NKAIN2: variants seen among roughly 807,000 people sequenced by gnomAD.
NKAIN2 encodes the protein sodium/potassium transporting ATPase interacting 2, also known as sodium/potassium-transporting ATPase subunit beta-1-interacting protein 2.
In NKAIN2, 14 loss-of-function variants were observed where a neutral mutation model predicts 32.6. That is an observed-to-expected ratio of 0.43 (90% CI 0.28 to 0.67). The LOEUF is 0.67. Ranked by LOEUF, NKAIN2 falls within the 30% of genes least tolerant of loss-of-function variation. The pLI is 0.17. For synonymous variants in NKAIN2, 80 were observed against 87.2 expected, an observed-to-expected ratio of 0.92 and a Z score of 0.46; for missense variants, 198 against 258.3, an observed-to-expected ratio of 0.77 and a Z score of 1.60.
At chr6:124,083,535 G>A (rs1365719628) in intron 1 of NKAIN2, among the ~76,000 whole-genome samples, 1 of 151,526 alleles carries the variant, frequency 6.6e-6, no homozygotes. Flanking sequence ...ATTTAGCAAT[G>A]GCTGTTTCAT....
At chr6:124,628,667 A>G (rs111848344) in intron 3 of NKAIN2, among the ~76,000 whole-genome samples, 3 of 152,038 alleles carry the variant, frequency 2.0e-5, no homozygotes, top group African/African-American at 7.2e-5. Context: ...TCATGTCCCA[A>G]ATTCAGCATT....
In NKAIN2 at chr6:124,599,461, A is replaced by G. The variant is rs181824769; in HGVS notation, c.274-58725A>G. ...CCTAAGCCTCACTATGAGATTCCAC[A>G]GAAATCACCTGCTGAAAAAGAGCAC... is the stretch of plus-strand genomic sequence containing the variant. On this transcript the variant is annotated intron_variant, in intron 3 of 6. Coordinates refer to ENST00000368417, the MANE Select transcript of NKAIN2 (RefSeq NM_001040214.3). Among the ~76,000 whole-genome samples the G allele has an allele frequency of 1.2e-4, 19 of 152,276 alleles. No homozygotes were observed. In the East Asian group the frequency reaches 2.1e-3, roughly 17 times the overall value.
chr6:124,517,315 C>T (rs1362303004), intron 3 of NKAIN2, among the ~76,000 whole-genome samples: 3 of 152,102 alleles, frequency 2.0e-5, no homozygotes, highest in Non-Finnish European at 4.4e-5. Flanking sequence ...ATTGTTAGGG[C>T]AGAAGAATAG....
chr6:124,706,527 C>T (rs1326935732), intron 4 of NKAIN2, among the ~76,000 whole-genome samples: 1 of 152,050 alleles, frequency 6.6e-6, no homozygotes, highest in Non-Finnish European at 1.5e-5. Flanking sequence ...TGAATCAAGT[C>T]CAGGCAGAGC....
intron 1 of NKAIN2, among the ~76,000 whole-genome samples, chr6:123,977,017 G>A (rs1363647458): frequency 1.3e-5 from 2 of 152,142 alleles, no homozygotes; most frequent in African/African-American, 2.4e-5. Flanking sequence ...GATATTAATA[G>A]TCCGCTTATT....
At chr6:124,708,106 C>A (rs1775201856) in intron 4 of NKAIN2, among the ~76,000 whole-genome samples, 2 of 149,136 alleles carry the variant, frequency 1.3e-5, no homozygotes, top group African/African-American at 5.0e-5. Flanking sequence ...GGAATCCTTT[C>A]CCCATTGCTT....
At chr6:124,654,592 C>G (rs987173664) in intron 3 of NKAIN2, among the ~76,000 whole-genome samples, 10 of 152,098 alleles carry the variant, frequency 6.6e-5, no homozygotes, top group African/African-American at 2.2e-4. Context: ...TATGGCCTAA[C>G]CCCCAGTACC....
At chr6:124,247,534 C>T (rs548063951) in intron 1 of NKAIN2, among the ~76,000 whole-genome samples, 132 of 152,120 alleles carry the variant, frequency 8.7e-4, no homozygotes, top group Middle Eastern at 3.4e-3. Flanking sequence ...AATGTGAAAA[C>T]GCTTAGGGAT....
intron 4 of NKAIN2, among the ~76,000 whole-genome samples, chr6:124,706,722 T>C (rs976622723): frequency 6.6e-6 from 1 of 152,198 alleles, no homozygotes; most frequent in Non-Finnish European, 1.5e-5. Flanking sequence ...ACATGGCACC[T>C]AATCGTCATT....
chr6:124,141,585 G>C (rs1787142078), intron 1 of NKAIN2, among the ~76,000 whole-genome samples: 1 of 151,676 alleles, frequency 6.6e-6, no homozygotes, highest in African/African-American at 2.4e-5. Flanking sequence ...CTATTTTCTT[G>C]CTCATTTTTT....
At chr6:124,564,449 A>G (rs778403105) in intron 3 of NKAIN2, among the ~76,000 whole-genome samples, 2 of 150,696 alleles carry the variant, frequency 1.3e-5, no homozygotes, top group Non-Finnish European at 3.0e-5. Context: ...TCAGTTGGAC[A>G]TGGGTGGGGA....
chr6:124,716,982 A>G (rs1775788101), intron 4 of NKAIN2, among the ~76,000 whole-genome samples: 2 of 152,138 alleles, frequency 1.3e-5, no homozygotes, highest in African/African-American at 2.4e-5. Flanking sequence ...GAAAGAGTCA[A>G]TGAATGAATA....
intron 5 of NKAIN2, among the ~76,000 whole-genome samples, chr6:124,806,567 G>A (rs1431767119): frequency 2.6e-5 from 4 of 151,892 alleles, no homozygotes; most frequent in Non-Finnish European, 4.4e-5. Flanking sequence ...AGACTAGGAA[G>A]AAACTGCATC....
chr6:124,514,285 T>C (rs1778823390), intron 3 of NKAIN2, among the ~76,000 whole-genome samples: 1 of 152,178 alleles, frequency 6.6e-6, no homozygotes. Flanking sequence ...TGAGATTCAC[T>C]GGAGATCCAG....
chr6:124,261,851 T>C (rs530489927), intron 1 of NKAIN2, among the ~76,000 whole-genome samples: 1 of 144,936 alleles, frequency 6.9e-6, no homozygotes, highest in Admixed American at 7.0e-5. Context: ...TGAAAGAGCA[T>C]GATTCCATCT....
chr6:124,534,974 C>T (rs1019490497), intron 3 of NKAIN2, among the ~76,000 whole-genome samples: 3 of 152,158 alleles, frequency 2.0e-5, no homozygotes, highest in Non-Finnish European at 4.4e-5. Flanking sequence ...CTTCATATAT[C>T]CTCCTGCATA....
intron 4 of NKAIN2, among the ~76,000 whole-genome samples, chr6:124,713,185 T>C (rs1229085059): frequency 1.3e-5 from 2 of 152,220 alleles, no homozygotes; most frequent in Admixed American, 1.3e-4. Flanking sequence ...AGGATTATGC[T>C]TCCTGTTACA....
chr6:124,071,645 C>T (rs530743085), intron 1 of NKAIN2, among the ~76,000 whole-genome samples: 2 of 152,116 alleles, frequency 1.3e-5, no homozygotes, highest in Admixed American at 6.6e-5. Context: ...ACAAAATAAC[C>T]CCTTTAAAAA....
At chr6:124,652,630 G>A (rs1583585964) in intron 3 of NKAIN2, among the ~76,000 whole-genome samples, 1 of 152,210 alleles carries the variant, frequency 6.6e-6, no homozygotes, top group Middle Eastern at 3.4e-3. Flanking sequence ...TCTGGAGGCT[G>A]GGCACTCTAA....
Sources: gnomAD v4.1 joint callset for allele counts (sites outside exome capture counted in the v4.1 genomes callset) on GRCh38, gnomAD v4.1.1 for gene constraint, MANE v1.5 for transcripts, NCBI Gene and HGNC (gene_info 2026-07-23, HGNC 2026-07-21) for gene names.